CTNNA3: variants seen among roughly 807,000 people sequenced by gnomAD.
The protein encoded by CTNNA3 is catenin alpha-3.
Under a neutral mutation model 95.7 loss-of-function variants are expected in CTNNA3, and 76 were observed. The ratio of observed to expected loss-of-function variants is 0.79; its 90% CI spans 0.66 to 0.96. The LOEUF (loss-of-function observed/expected upper bound fraction) is 0.96. CTNNA3 is among the 40% of genes least tolerant of loss of function. CTNNA3 has a pLI of 0.00. For missense variants in CTNNA3, 1,191 were observed against 1,089.8 expected (o/e 1.09, Z -1.31); for synonymous variants, 431 against 374.4 (o/e 1.15, Z -1.74).
At chr10:66,902,286 G>A (rs1845784403) in intron 7 of CTNNA3, among the ~76,000 whole-genome samples, 1 of 152,152 alleles carries the variant, frequency 6.6e-6, no homozygotes, top group South Asian at 2.1e-4. Context: ...TGACTACTGG[G>A]TAAATAACGA....
At chr10:66,829,917 G>A (rs189771001) in intron 7 of CTNNA3, among the ~76,000 whole-genome samples, 3,810 of 149,832 alleles carry the variant, frequency 0.025, 74 homozygotes, top group Non-Finnish European at 0.039. Flanking sequence ...CCAGGCTGGA[G>A]TGCAGTGGTG....
intron 7 of CTNNA3, among the ~76,000 whole-genome samples, chr10:66,909,440 T>TG (rs1370445187): frequency 1.3e-5 from 2 of 151,906 alleles, no homozygotes; most frequent in African/African-American, 4.8e-5. Flanking sequence ...AACCCAGAGG[T>TG]GGAGGTTGTG....
At chr10:66,625,738 T>C (rs553509524) in intron 9 of CTNNA3, among the ~76,000 whole-genome samples, 1 of 152,244 alleles carries the variant, frequency 6.6e-6, no homozygotes, top group South Asian at 2.1e-4. Context: ...ATGATTTCCA[T>C]TTGCTGGACT....
intron 3 of CTNNA3, among the ~76,000 whole-genome samples, chr10:67,540,666 A>G (rs1406598045): frequency 6.6e-6 from 1 of 151,960 alleles, no homozygotes; most frequent in African/African-American, 2.4e-5. Context: ...TCATATATAC[A>G]AATATGTTTT....
chr10:67,135,789 T>C (rs1157861891), intron 7 of CTNNA3, among the ~76,000 whole-genome samples: 1 of 152,168 alleles, frequency 6.6e-6, no homozygotes, highest in Non-Finnish European at 1.5e-5. Context: ...CACACTAGTC[T>C]CAATCTCACA....
At chr10:66,511,673 C>T (rs1044350888) in intron 11 of CTNNA3, among the ~76,000 whole-genome samples, 14 of 151,568 alleles carry the variant, frequency 9.2e-5, no homozygotes, top group Admixed American at 8.5e-4. Flanking sequence ...TTACAGTTTC[C>T]AGTGTTCCTC....
intron 3 of CTNNA3, among the ~76,000 whole-genome samples, chr10:67,589,175 G>A (rs1390041012): frequency 6.6e-6 from 1 of 152,090 alleles, no homozygotes; most frequent in African/African-American, 2.4e-5. Context: ...GAAAATGAAA[G>A]AACTTTGGAA....
intron 9 of CTNNA3, among the ~76,000 whole-genome samples, chr10:66,633,442 A>G (rs1408758597): frequency 6.6e-6 from 1 of 152,170 alleles, no homozygotes; most frequent in East Asian, 1.9e-4. Flanking sequence ...GCACTTTGGG[A>G]GGCCAAGGCG....
intron 13 of CTNNA3, among the ~76,000 whole-genome samples, chr10:66,221,214 T>G (rs2131979797): frequency 6.6e-6 from 1 of 152,160 alleles, no homozygotes; most frequent in South Asian, 2.1e-4. Flanking sequence ...GCTCATCTGG[T>G]TGTGATACCA....
intron 10 of CTNNA3, among the ~76,000 whole-genome samples, chr10:66,585,838 T>C (rs1291956794): frequency 1.3e-5 from 2 of 152,134 alleles, no homozygotes; most frequent in Non-Finnish European, 2.9e-5. Context: ...AACTCAAATG[T>C]TTTTTATGTT....
chr10:66,653,359 T>C (rs1002434821), intron 9 of CTNNA3, among the ~76,000 whole-genome samples: 1 of 150,386 alleles, frequency 6.6e-6, no homozygotes, highest in Non-Finnish European at 1.5e-5. Flanking sequence ...ATCCCATTTA[T>C]AATAGCTACA....
At chr10:66,024,481 G>T (rs1231954458) in intron 15 of CTNNA3, among the ~76,000 whole-genome samples, 1 of 152,154 alleles carries the variant, frequency 6.6e-6, no homozygotes, top group East Asian at 1.9e-4. Context: ...ATACTTTGTT[G>T]TATGACCGTT....
In CTNNA3 at chr10:67,605,861, G is replaced by A. The variant is rs568937868; in HGVS notation, c.292+996C>T. Among the ~76,000 whole-genome samples, 10 of 152,138 alleles carry A rather than the reference G, an allele frequency of 6.6e-5. No homozygotes were observed. In the South Asian group the frequency reaches 2.1e-3, roughly 32 times the overall value. Reference sequence around the variant, plus strand: ...AATTTTTGTGTTTTTAGTAGAGATGGGGTTTCACCATGTTGGCCAGGCTGG... The same window carrying A: ...AATTTTTGTGTTTTTAGTAGAGATGAGGTTTCACCATGTTGGCCAGGCTGG... On this transcript the variant is annotated intron_variant, in intron 3 of 17. Transcript: ENST00000433211.
At chr10:66,440,519 G>C (rs759037973) in intron 11 of CTNNA3, among the ~76,000 whole-genome samples, 1 of 152,076 alleles carries the variant, frequency 6.6e-6, no homozygotes, top group Non-Finnish European at 1.5e-5. Context: ...AATAAAATCT[G>C]TCAAATTTTC....
At chr10:67,163,610 A>T (rs190167055) in intron 7 of CTNNA3, among the ~76,000 whole-genome samples, 2 of 152,142 alleles carry the variant, frequency 1.3e-5, no homozygotes, top group Admixed American at 1.3e-4. Context: ...ATATTTCTGG[A>T]AGTTCTAATC....
intron 2 of CTNNA3, among the ~76,000 whole-genome samples, chr10:67,619,360 C>G (rs1243039253): frequency 6.6e-6 from 1 of 152,142 alleles, no homozygotes; most frequent in Non-Finnish European, 1.5e-5. Context: ...AGAACACTCA[C>G]TGGAGAAAGG....
intron 13 of CTNNA3, among the ~76,000 whole-genome samples, chr10:66,148,967 T>C (rs2084041740): frequency 6.6e-6 from 1 of 151,494 alleles, no homozygotes; most frequent in Admixed American, 6.6e-5. Flanking sequence ...TTACATGTAA[T>C]GAACATGCAT....
intron 1 of CTNNA3, among the ~76,000 whole-genome samples, chr10:67,728,725 T>A (rs1282866594): frequency 6.6e-6 from 1 of 151,654 alleles, no homozygotes; most frequent in Non-Finnish European, 1.5e-5. Flanking sequence ...CTAATTAATA[T>A]ATTATCTGTA....
At position 66,103,180 on chromosome 10, in the gene CTNNA3, G is replaced by A. The variant is rs2081720596; in HGVS notation, c.1954C>T (p.Gln652Ter). ...ACCCTATCAGTTTTCCCTTCGGTCTGAATGCTGGTGTGACTGCGGACCTCG... is the reference window on the plus strand; with the variant it reads ...ACCCTATCAGTTTTCCCTTCGGTCTAAATGCTGGTGTGACTGCGGACCTCG... Reference protein sequence around the residue: ...EHEVRSHTSIQTEGKTDRAKM... With the variant: ...EHEVRSHTSI Residue 652 changes from glutamine (Q) to a stop codon, truncating the protein, a stop_gained, in exon 14 of 18, where the codon CAG (glutamine) becomes TAG (stop). Transcript: ENST00000433211. LOFTEE classifies it high-confidence loss of function. The A allele has an allele frequency of 1.2e-6, 2 of 1,613,972 alleles. No homozygotes were observed. The highest frequency in any genetic ancestry group is 1.7e-6 in the Non-Finnish European group (2 of 1,179,868).
Sources: gnomAD v4.1 joint callset for allele counts (sites outside exome capture counted in the v4.1 genomes callset) on GRCh38, gnomAD v4.1.1 for gene constraint, MANE v1.5 for transcripts, NCBI Gene and HGNC (gene_info 2026-07-23, HGNC 2026-07-21) for gene names.